The following CHL1 variants were observed in gnomAD, a reference collection of about 807,000 sequenced individuals.
CHL1 encodes the protein neural cell adhesion molecule L1-like protein.
CHL1 carries 96 observed loss-of-function variants against 141.9 expected under a neutral mutation model. That is an observed-to-expected ratio of 0.68 (90% CI 0.57 to 0.80). The LOEUF (loss-of-function observed/expected upper bound fraction) is 0.80. CHL1 is among the 30% of genes least tolerant of loss of function. CHL1 has a pLI of 0.00. For synonymous variants in CHL1, 613 were observed against 502.2 expected, an observed-to-expected ratio of 1.22 and a Z score of -2.95; for missense variants, 1,820 against 1,457.2, an observed-to-expected ratio of 1.25 and a Z score of -4.05.
At chr3:357,296 C>G (rs1403822831) in intron 11 of CHL1, among the ~76,000 whole-genome samples, 3 of 152,184 alleles carry the variant, frequency 2.0e-5, no homozygotes, top group East Asian at 1.9e-4. Flanking sequence ...TTTGAAACCT[C>G]TTTAAGCTTA....
At chr3:318,016 A>G (rs887946475) in intron 2 of CHL1, among the ~76,000 whole-genome samples, 2 of 151,868 alleles carry the variant, frequency 1.3e-5, no homozygotes, top group African/African-American at 2.4e-5. Flanking sequence ...CCATTTTAAG[A>G]TGGGTCAGTT....
At chr3:342,564 G>A (rs1702423535) in intron 7 of CHL1, among the ~76,000 whole-genome samples, 1 of 152,164 alleles carries the variant, frequency 6.6e-6, no homozygotes, top group South Asian at 2.1e-4. Flanking sequence ...AGAGTAATTA[G>A]AGGGAGGAAG....
chr3:231,820 A>T (rs332455), intron 1 of CHL1, among the ~76,000 whole-genome samples: 149,934 of 152,082 alleles, frequency 0.99, 73,919 homozygotes, highest in East Asian at 1. Flanking sequence ...CTGGTGATCC[A>T]CCCTCCTTGG....
chr3:367,381 A>G (rs1046227644), intron 15 of CHL1, among the ~76,000 whole-genome samples: 1 of 152,230 alleles, frequency 6.6e-6, no homozygotes, highest in African/African-American at 2.4e-5. Context: ...CTGAAGCTCA[A>G]TGGCTCAGAT....
intron 8 of CHL1, among the ~76,000 whole-genome samples, 190 bp from the exon 9 acceptor site, chr3:344,399 C>T (rs950017619): frequency 6.6e-6 from 1 of 151,622 alleles, no homozygotes; most frequent in African/African-American, 2.4e-5. Flanking sequence ...ATATGAGGGA[C>T]AACCCATGCT....
intron 2 of CHL1, among the ~76,000 whole-genome samples, chr3:317,200 T>A (rs548020205): frequency 4.5e-4 from 68 of 152,158 alleles, no homozygotes; most frequent in African/African-American, 1.5e-3. Flanking sequence ...TGAAAAGTGA[T>A]GATGTCATTA....
chr3:273,102 C>T (rs1695784275), intron 2 of CHL1, among the ~76,000 whole-genome samples: 1 of 152,154 alleles, frequency 6.6e-6, no homozygotes, highest in Admixed American at 6.5e-5. Context: ...GAGGGTAGAG[C>T]AGGTGTAAGA....
chr3:388,409 T>C lies in CHL1; in HGVS notation c.2248-843T>C, dbSNP rs555562426. ...CTAAAAATACAAAATTAGCCGGGCGTGGTGGTGCATGCCTGTAATCCCAGC... is the reference window on the plus strand; with the variant it reads ...CTAAAAATACAAAATTAGCCGGGCGCGGTGGTGCATGCCTGTAATCCCAGC... On this transcript the variant is annotated intron_variant, in intron 19 of 27. Transcript: ENST00000256509. Among the ~76,000 whole-genome samples the C allele has an allele frequency of 4.5e-4, 69 of 151,756 alleles. 1 individual carries two copies. The highest frequency in any genetic ancestry group is 1.6e-3 in the African/African-American group (67 of 41,284).
At chr3:382,885 CAT>C (rs1361886061) in intron 18 of CHL1, among the ~76,000 whole-genome samples, 3 of 151,454 alleles carry the variant, frequency 2.0e-5, no homozygotes, top group East Asian at 3.9e-4. Context: ...AGGGGAGTGA[CAT>C]ATGAAAAAAA....
At chr3:322,227 TA>T (rs1559251922) in intron 3 of CHL1, among the ~76,000 whole-genome samples, 3 of 152,026 alleles carry the variant, frequency 2.0e-5, no homozygotes, top group African/African-American at 7.2e-5. Context: ...ATCCAGTAGA[TA>T]AACACTGAAC....
At chr3:252,528 G>A (rs1693803684) in intron 2 of CHL1, among the ~76,000 whole-genome samples, 3 of 151,368 alleles carry the variant, frequency 2.0e-5, no homozygotes, top group East Asian at 3.9e-4. Flanking sequence ...TATACCAGGT[G>A]CTATTGTCCT....
intron 1 of CHL1, among the ~76,000 whole-genome samples, chr3:216,760 A>T (rs17006985): frequency 0.098 from 14,917 of 152,258 alleles, 809 homozygotes; most frequent in African/African-American, 0.15. Context: ...ACAGAAAACT[A>T]GCATTTCTCC....
intron 15 of CHL1, among the ~76,000 whole-genome samples, chr3:367,754 T>A (rs1391883): frequency 0.032 from 4,897 of 152,282 alleles, 276 homozygotes; most frequent in African/African-American, 0.11. Flanking sequence ...GATGGTTTGC[T>A]GCACCTATTG....
chr3:300,372 T>C (rs17021964), intron 2 of CHL1, among the ~76,000 whole-genome samples: 25,193 of 152,014 alleles, frequency 0.17, 2,506 homozygotes, highest in East Asian at 0.39. Flanking sequence ...CTGGCTCTGA[T>C]GCAAACAGAG....
At chr3:349,571 C>T in intron 10 of CHL1, 28 bp downstream of exon 10, 1 of 1,584,064 alleles carries the variant, frequency 6.3e-7, no homozygotes, top group Non-Finnish European at 8.6e-7. Flanking sequence ...GTCTATTTCT[C>T]TGCTTTTCAA....
chr3:346,417 T>A lies in CHL1; in HGVS notation c.848+1708T>A, dbSNP rs1322231707. 7.9e-5 allele frequency among the ~76,000 whole-genome samples: 12 copies of A among 152,358 alleles called. No individual in the cohort carries two copies. In the South Asian group the frequency reaches 2.5e-3, roughly 32 times the overall value. On this transcript the variant is annotated intron_variant, in intron 9 of 27. Coordinates refer to ENST00000256509, the MANE Select transcript of CHL1 (RefSeq NM_006614.4). ...CATGTTTACAGTGGTAGAAATTACA[T>A]TCTTGCAGAGTTCATCACTGTATTG... is the stretch of plus-strand genomic sequence containing the variant.
At chr3:258,652 C>T (rs986935020) in intron 2 of CHL1, among the ~76,000 whole-genome samples, 9 of 152,184 alleles carry the variant, frequency 5.9e-5, no homozygotes, top group Non-Finnish European at 1.0e-4. Flanking sequence ...TCCCTTTTTC[C>T]ATCTTCGGAC....
intron 2 of CHL1, among the ~76,000 whole-genome samples, chr3:310,979 CAG>C (rs1469700079): frequency 6.6e-6 from 1 of 152,076 alleles, no homozygotes; most frequent in Non-Finnish European, 1.5e-5. Context: ...TAGAATCAAA[CAG>C]TATCTGGTGT....
rs148773969 is a variant in CHL1, at chr3:315,744, G to T, written c.-94-3939G>T. Among the ~76,000 whole-genome samples, 10 of 152,208 alleles carry T rather than the reference G, an allele frequency of 6.6e-5. No individual in the cohort carries two copies. The East Asian group carries it at 1.2e-3, about 18-fold the overall frequency. Reference sequence around the variant, plus strand: ...TGGAGAACCTGAGGGAGTCAGGAAGGTTCCATTGCATTGAAGCGACTGCAT... The same window carrying T: ...TGGAGAACCTGAGGGAGTCAGGAAGTTTCCATTGCATTGAAGCGACTGCAT... On this transcript the variant is annotated intron_variant, in intron 2 of 27. Transcript: ENST00000256509.
Sources: gnomAD v4.1 joint callset for allele counts (sites outside exome capture counted in the v4.1 genomes callset) on GRCh38, gnomAD v4.1.1 for gene constraint, MANE v1.5 for transcripts, NCBI Gene and HGNC (gene_info 2026-07-23, HGNC 2026-07-21) for gene names.